The following IMPDH2 variants were observed in gnomAD, a reference collection of about 807,000 sequenced individuals.
The protein encoded by IMPDH2 is inosine monophosphate dehydrogenase 2, also known as inosine-5'-monophosphate dehydrogenase 2.
In IMPDH2, 33 loss-of-function variants were observed where a neutral mutation model predicts 57.8. The ratio of observed to expected loss-of-function variants is 0.57; its 90% CI spans 0.43 to 0.76. The LOEUF (loss-of-function observed/expected upper bound fraction) is 0.76. Ranked by LOEUF, IMPDH2 falls within the 30% of genes least tolerant of loss-of-function variation. The pLI, the probability that IMPDH2 is intolerant of heterozygous loss-of-function variation, is 0.00. For missense variants in IMPDH2, 446 were observed against 659.1 expected (o/e 0.68, Z 3.54); for synonymous variants, 270 against 241.3 (o/e 1.12, Z -1.10).
chr3:49,025,421 C>G, intron 9 of IMPDH2, 152 bp from the exon 10 acceptor site: 1 of 774,896 alleles, frequency 1.3e-6, no homozygotes, highest in East Asian at 2.5e-5. Flanking sequence ...TGGCTGCTGC[C>G]ACATCTGCCT....
intron 9 of IMPDH2, 188 bp from the exon 10 acceptor site, chr3:49,025,457 C>A (rs548188231): frequency 1.6e-6 from 1 of 631,774 alleles, no homozygotes; most frequent in South Asian, 1.8e-5. Context: ...GCTGTGCTGA[C>A]CTCTACTCAC....
In IMPDH2 at chr3:49,025,170, T is replaced by G. The variant is rs1325612061; in HGVS notation, c.1106A>C (p.Asn369Thr). Residue 369 changes from asparagine (N) to threonine (T), a missense_variant, in exon 10 of 14, where the codon AAT (asparagine) becomes ACT (threonine). By Grantham distance (65) the Asn-to-Thr change is moderately conservative. Transcript: ENST00000326739. ...CAAGGCTTTCGCAATATGACCCACA[T>G]TTTGGATTCCTCCATCAGCAATGAC... ...VPVIADGGIQ[N>T]VGHIAKALAL... The G allele has an allele frequency of 1.2e-6, 2 of 1,614,100 alleles. No homozygotes were observed. The highest frequency in any genetic ancestry group is 1.7e-6 in the Non-Finnish European group (2 of 1,180,046).
At chr3:49,027,643 C>T (rs2093204902) in intron 5 of IMPDH2, 67 bp downstream of exon 5, 6 of 1,355,260 alleles carry the variant, frequency 4.4e-6, no homozygotes, top group African/African-American at 1.4e-5. Context: ...ATGTCTTAGA[C>T]AACAGAAGCC....
rs1227419597 is a variant in IMPDH2, at chr3:49,028,659, CA to C, written c.147+98del. ...ACAAGCAACATGATCCTATAAAATCCACCCCCAAGCCCAATCTGGTGAGTTA... is the reference window on the plus strand; with the variant it reads ...ACAAGCAACATGATCCTATAAAATCCCCCCCAAGCCCAATCTGGTGAGTTA... On this transcript the variant is annotated intron_variant, in intron 2 of 13. Transcript: ENST00000326739. The C allele has an allele frequency of 7.3e-6, 10 of 1,364,878 alleles. No homozygotes were observed. The Admixed American group carries it at 1.7e-4, about 23-fold the overall frequency. 84.5% of individuals were successfully genotyped at this position (1,364,878 alleles called of 1,614,324 possible).
chr3:49,024,971 CG>C lies in IMPDH2; in HGVS notation c.1219del (p.Arg407GlyfsTer2), dbSNP rs769205543. On this transcript the variant is annotated frameshift_variant, in exon 11 of 14. Transcript: ENST00000326739. LOFTEE classifies it high-confidence loss of function. ...ACCCATACCGCGATATTTCTTTAGC[CG>C]GATCCCATCGGAAAAGAAGTATTCA... is the stretch of plus-strand genomic sequence containing the variant. ...PGEYFFSDGI[R>X]LKKYRGMGSL... The C allele has an allele frequency of 6.2e-7, 1 of 1,614,200 alleles. No homozygotes were observed. Among genetic ancestry groups the C allele is most frequent in the African/African-American group, 1.3e-5 (1 of 75,040 alleles).
Position 49,024,967 on chromosome 3 carries a change from T to C in IMPDH2, c.1224A>G (p.Leu408=). 6.2e-7 allele frequency: 1 copy of C among 1,614,240 alleles called. No individual in the cohort carries two copies. The highest frequency in any genetic ancestry group is 8.5e-7 in the Non-Finnish European group (1 of 1,180,042). Residue 408 remains leucine (L), a synonymous_variant, in exon 11 of 14, where the codon CTA becomes CTG. Coordinates refer to ENST00000326739, the MANE Select transcript of IMPDH2 (RefSeq NM_000884.3). The part of the protein sequence containing the change: ...GEYFFSDGIR[L]KKYRGMGSLD... ...GAGAACCCATACCGCGATATTTCTT[T>C]AGCCGGATCCCATCGGAAAAGAAGT... is the stretch of plus-strand genomic sequence containing the variant.
In IMPDH2 at chr3:49,025,120, C is replaced by T; in HGVS notation, c.1150+6G>A. On this transcript the variant is annotated splice_donor_region_variant and intron_variant, in intron 10 of 13. Coordinates refer to ENST00000326739, the MANE Select transcript of IMPDH2 (RefSeq NM_000884.3). ...CCCACTGGCCTTCACGGGTACTGGGCCTCACCTGTGGAGGCCCCAAGGGCC... is the reference window on the plus strand; with the variant it reads ...CCCACTGGCCTTCACGGGTACTGGGTCTCACCTGTGGAGGCCCCAAGGGCC... 1 of 1,614,238 alleles carries T rather than the reference C, an allele frequency of 6.2e-7. No homozygotes were observed. Among genetic ancestry groups the T allele is most frequent in the South Asian group, 1.1e-5 (1 of 91,086 alleles).
Position 49,024,813 on chromosome 3 carries a change from A to G in IMPDH2, c.1296-11T>C. The G allele has an allele frequency of 1.2e-6, 2 of 1,614,104 alleles. No individual in the cohort carries two copies. The highest frequency in any genetic ancestry group is 1.7e-6 in the Non-Finnish European group (2 of 1,180,000). On this transcript the variant is annotated splice_polypyrimidine_tract_variant and intron_variant, in intron 11 of 13. Transcript: ENST00000326739. Reference sequence around the variant, plus strand: ...ATTTTGTCAGCTTCACTGCAGGGAGAGGCAGAGACACGGGCAAGGTCACAG... The same window carrying G: ...ATTTTGTCAGCTTCACTGCAGGGAGGGGCAGAGACACGGGCAAGGTCACAG...
rs1245082881 is a variant in IMPDH2, at chr3:49,026,503, C to T, written c.910+16G>A. 1.9e-6 allele frequency: 3 copies of T among 1,608,544 alleles called. No individual in the cohort carries two copies. The African/African-American group carries it at 4.0e-5, about 21-fold the overall frequency. ...CACTCCCACCACACATCCTTCAGGG[C>T]ACAATCTTGCCTTACCATTGCCTCC... On this transcript the variant is annotated intron_variant, in intron 8 of 13. Coordinates refer to ENST00000326739, the MANE Select transcript of IMPDH2 (RefSeq NM_000884.3).
chr3:49,028,732 A>T, intron 2 of IMPDH2, 26 bp downstream of exon 2: 2 of 1,600,984 alleles, frequency 1.2e-6, no homozygotes, highest in South Asian at 2.2e-5. Context: ...CTTGATGTTC[A>T]GGACCCAATT....
chr3:49,026,217 G>C (rs1335201446), intron 9 of IMPDH2, 107 bp downstream of exon 9: 1 of 851,982 alleles, frequency 1.2e-6, no homozygotes, highest in Non-Finnish European at 1.9e-6. Flanking sequence ...TGGCCCCAGG[G>C]TTGCCCCTAT....
At chr3:49,025,384 TTGGCTGAGGAACAGACG>T (rs1192390191) in intron 9 of IMPDH2, 115 bp from the exon 10 acceptor site, 5 of 1,113,888 alleles carry the variant, frequency 4.5e-6, no homozygotes, top group Non-Finnish European at 6.7e-6. Context: ...GGACTGCAGC[TTGGCTGAGGAACAGACG>T]TGTCTGGGAT....
intron 9 of IMPDH2, 129 bp from the exon 10 acceptor site, chr3:49,025,398 G>T: frequency 1.0e-6 from 1 of 964,040 alleles, no homozygotes; most frequent in Non-Finnish European, 1.6e-6. Context: ...CTGAGGAACA[G>T]ACGTGTCTGG....
Position 49,027,690 on chromosome 3 carries a change from A to G in IMPDH2, c.531+20T>C, listed in dbSNP as rs774499194. The G allele has an allele frequency of 1.2e-5, 20 of 1,606,200 alleles. No homozygotes were observed. The highest frequency in any genetic ancestry group is 1.4e-5 in the Non-Finnish European group (16 of 1,173,000). On this transcript the variant is annotated intron_variant, in intron 5 of 13. Coordinates refer to ENST00000326739, the MANE Select transcript of IMPDH2 (RefSeq NM_000884.3). ...ACCTGGGCTGCTAGAGCTTGGATCT[A>G]CTCTGCCAGTGGCACCCACCTCTTC...
chr3:49,029,226 GC>G, intron 1 of IMPDH2, 26 bp downstream of exon 1: 1 of 1,545,958 alleles, frequency 6.5e-7, no homozygotes, highest in African/African-American at 1.4e-5. Context: ...CCCTCTCTTC[GC>G]CCAGGTGAGC....
intron 6 of IMPDH2, 22 bp downstream of exon 6, chr3:49,026,938 C>G: frequency 6.2e-7 from 1 of 1,613,708 alleles, no homozygotes; most frequent in Non-Finnish European, 8.5e-7. Context: ...GTTCCAGGCC[C>G]TTTCCCAGCT....
Position 49,024,512 on chromosome 3 carries a change from G to A in IMPDH2, c.1506C>T (p.Gly502=), listed in dbSNP as rs374837017. The A allele has an allele frequency of 2.9e-5, 47 of 1,614,030 alleles. No individual in the cohort carries two copies. Among genetic ancestry groups the A allele is most frequent in the Non-Finnish European group, 3.3e-5 (39 of 1,180,036 alleles). ...TGACTTACGAATGGAGGCTATGGAC[G>A]CCACCTTCCACCTGGGCTGAGGACG... ...KRTSSAQVEG[G]VHSLHSYEKR... Residue 502 remains glycine, a synonymous_variant, in exon 13 of 14, where the codon GGC becomes GGT. Transcript: ENST00000326739.
At chr3:49,025,292 G>T (rs746680637) in intron 9 of IMPDH2, 23 bp from the exon 10 acceptor site, 2 of 1,613,982 alleles carry the variant, frequency 1.2e-6, no homozygotes, top group African/African-American at 2.7e-5. Context: ...AGGAACACAT[G>T]GGTGGATAGG....
chr3:49,028,359 A>C (rs759092446), intron 3 of IMPDH2, 37 bp from the exon 4 acceptor site: 22 of 1,609,828 alleles, frequency 1.4e-5, no homozygotes, highest in South Asian at 5.5e-5. Flanking sequence ...AAGTGACAAG[A>C]AGCAGGACTG....
Sources: allele counts gnomAD v4.1 joint callset, GRCh38; gene constraint gnomAD v4.1.1; transcripts MANE v1.5; gene names NCBI Gene and HGNC (gene_info 2026-07-23, HGNC 2026-07-21).